Variants in SGCZ observed in about 807,000 individuals in gnomAD.
SGCZ encodes the protein zeta-sarcoglycan.
SGCZ carries 40 observed loss-of-function variants against 41.3 expected under a neutral mutation model. That is an observed-to-expected ratio of 0.97 (90% confidence interval 0.75 to 1.26). The LOEUF (loss-of-function observed/expected upper bound fraction) is 1.26. Among genes scored for constraint, SGCZ ranks in the 50% most tolerant of loss-of-function variants. SGCZ has a pLI of 0.00. For missense variants in SGCZ, 552 were observed against 369.8 expected (o/e 1.49, Z -4.04); for synonymous variants, 206 against 137.5 (o/e 1.50, Z -3.49).
chr8:15,222,443 T>TG (rs1801634925), intron 1 of SGCZ, among the ~76,000 whole-genome samples: 1 of 151,036 alleles, frequency 6.6e-6, no homozygotes, highest in Non-Finnish European at 1.5e-5. Context: ...TTCCTGCCTA[T>TG]GAAAAAAAAA....
At chr8:14,538,574 T>C (rs756932629) in intron 2 of SGCZ, among the ~76,000 whole-genome samples, 1 of 151,998 alleles carries the variant, frequency 6.6e-6, no homozygotes, top group South Asian at 2.1e-4. Flanking sequence ...ATACTTTCTA[T>C]GGAGAAAGTG....
intron 1 of SGCZ, among the ~76,000 whole-genome samples, chr8:15,044,702 A>G (rs1328589146): frequency 1.3e-5 from 2 of 152,016 alleles, no homozygotes; most frequent in Non-Finnish European, 2.9e-5. Flanking sequence ...ACTTGGTAAG[A>G]TGGAGGGTTA....
chr8:14,225,545 T>C (rs188871366), intron 4 of SGCZ, among the ~76,000 whole-genome samples: 8 of 152,170 alleles, frequency 5.3e-5, no homozygotes, highest in Admixed American at 2.0e-4. Context: ...CCAAAAATAA[T>C]AATACTAATT....
chr8:14,954,059 G>C (rs1800723738), intron 1 of SGCZ, among the ~76,000 whole-genome samples: 1 of 152,150 alleles, frequency 6.6e-6, no homozygotes, highest in African/African-American at 2.4e-5. Context: ...TTCTTCTGAA[G>C]TATGCTCTTG....
intron 3 of SGCZ, among the ~76,000 whole-genome samples, chr8:14,283,802 C>G (rs551037908): frequency 1.3e-5 from 2 of 152,286 alleles, no homozygotes; most frequent in African/African-American, 4.8e-5. Context: ...CAGCCATAGG[C>G]AGTGCCATCA....
At chr8:14,092,250 G>A (rs568490668) in intron 7 of SGCZ, among the ~76,000 whole-genome samples, 22 of 152,096 alleles carry the variant, frequency 1.4e-4, no homozygotes, top group Admixed American at 2.6e-4. Context: ...ATCAGGTAGC[G>A]TGATGCCTCC....
intron 1 of SGCZ, among the ~76,000 whole-genome samples, chr8:14,743,322 A>G (rs550931211): frequency 4.6e-5 from 7 of 152,192 alleles, no homozygotes; most frequent in African/African-American, 1.4e-4. Flanking sequence ...ACTGAACATG[A>G]AAACTATATT....
intron 1 of SGCZ, among the ~76,000 whole-genome samples, chr8:14,574,887 T>A (rs1003990642): frequency 1.3e-5 from 2 of 152,004 alleles, no homozygotes; most frequent in African/African-American, 4.8e-5. Flanking sequence ...TGAGCAACAC[T>A]GAAAAAATAT....
In SGCZ at chr8:14,355,785, G is replaced by C. The variant is rs1378005808; in HGVS notation, c.235-31581C>G. Among the ~76,000 whole-genome samples the C allele has an allele frequency of 2.6e-5, 4 of 151,924 alleles. No homozygotes were observed. The East Asian group carries it at 7.7e-4, about 29-fold the overall frequency. On this transcript the variant is annotated intron_variant, in intron 2 of 7. Transcript: ENST00000382080. ...TGTACCCAGTTGTGGGATTATCCAA[G>C]GAAATAGGCATATTAAATACAAGAA... is the stretch of plus-strand genomic sequence containing the variant.
chr8:14,756,725 T>TA (rs1038466125), intron 1 of SGCZ, among the ~76,000 whole-genome samples: 29 of 152,268 alleles, frequency 1.9e-4, no homozygotes, highest in East Asian at 1.5e-3. Flanking sequence ...TATTTTGCAT[T>TA]AAAAAATATT....
intron 1 of SGCZ, among the ~76,000 whole-genome samples, chr8:14,652,870 T>C (rs1285728536): frequency 6.6e-6 from 1 of 152,076 alleles, no homozygotes; most frequent in Non-Finnish European, 1.5e-5. Context: ...TATCATTAAC[T>C]CGATCCCTTA....
At chr8:14,646,492 C>T (rs1031050) in intron 1 of SGCZ, among the ~76,000 whole-genome samples, 143,545 of 151,872 alleles carry the variant, frequency 0.95, 68,354 homozygotes, top group East Asian at 1. Context: ...CCGTGTTTTC[C>T]TTCTCATGAA....
intron 1 of SGCZ, among the ~76,000 whole-genome samples, chr8:14,599,630 C>G (rs1018406394): frequency 6.6e-6 from 1 of 152,166 alleles, no homozygotes; most frequent in African/African-American, 2.4e-5. Context: ...TCATCTTTCC[C>G]TTCACTAAAT....
intron 2 of SGCZ, among the ~76,000 whole-genome samples, chr8:14,401,193 C>G (rs112405429): frequency 0.028 from 4,314 of 152,194 alleles, 162 homozygotes; most frequent in African/African-American, 0.082. Context: ...TCTTACCTTT[C>G]TTTGCATTAT....
At chr8:14,171,239 T>A (rs1804371256) in intron 4 of SGCZ, among the ~76,000 whole-genome samples, 1 of 151,786 alleles carries the variant, frequency 6.6e-6, no homozygotes, top group Non-Finnish European at 1.5e-5. Context: ...GACACATGTA[T>A]CAGGGTAGTT....
intron 2 of SGCZ, among the ~76,000 whole-genome samples, chr8:14,359,815 GA>G (rs1258410378): frequency 0.033 from 3,612 of 109,474 alleles, 142 homozygotes; most frequent in African/African-American, 0.1. Context: ...TACAAAAAAA[GA>G]AAAAAAAAAA....
At chr8:15,083,621 T>A (rs1805838459) in intron 1 of SGCZ, among the ~76,000 whole-genome samples, 1 of 152,160 alleles carries the variant, frequency 6.6e-6, no homozygotes, top group South Asian at 2.1e-4. Flanking sequence ...CTATCACAGC[T>A]CACTGCAGCC....
intron 1 of SGCZ, among the ~76,000 whole-genome samples, chr8:14,641,724 A>G (rs191488305): frequency 2.0e-5 from 3 of 151,770 alleles, no homozygotes; most frequent in South Asian, 2.1e-4. Context: ...AATCTTTTCT[A>G]TGAGATTCAG....
At chr8:14,340,103 C>A (rs1476150972) in intron 2 of SGCZ, among the ~76,000 whole-genome samples, 1 of 152,194 alleles carries the variant, frequency 6.6e-6, no homozygotes, top group Middle Eastern at 3.4e-3. Flanking sequence ...TGGTCAATTA[C>A]ATTTCCCTTT....
Sources: gnomAD v4.1 joint callset for allele counts (sites outside exome capture counted in the v4.1 genomes callset) on GRCh38, gnomAD v4.1.1 for gene constraint, MANE v1.5 for transcripts, NCBI Gene and HGNC (gene_info 2026-07-23, HGNC 2026-07-21) for gene names.